The following ZNF717 variants were observed in gnomAD, a reference collection of about 807,000 sequenced individuals.
ZNF717 encodes the protein zinc finger protein 717, also known as krueppel-like factor X17.
ZNF717 carries 9 observed loss-of-function variants against 13.8 expected under a neutral mutation model. That is an observed-to-expected ratio of 0.65 (90% CI 0.39 to 1.14). The LOEUF (loss-of-function observed/expected upper bound fraction) is 1.14, where lower values mean the gene tolerates loss of function less well. ZNF717 is among the 50% of genes most tolerant of loss of function. ZNF717 has a pLI of 0.01. For synonymous variants in ZNF717, 327 were observed against 364.1 expected (o/e 0.90, Z 1.16); for missense variants, 1,040 against 1,080.7 (o/e 0.96, Z 0.53).
chr3:75,703,767 T>C (rs1937742980), intron 6 of ZNF717, among the ~76,000 whole-genome samples: 1 of 152,306 alleles, frequency 6.6e-6, no homozygotes, highest in South Asian at 2.1e-4. Flanking sequence ...CCTTGAGGAG[T>C]AGACTTGCTG....
At chr3:75,722,659 A>T in intron 4 of ZNF717, among the ~76,000 whole-genome samples, 1 of 152,038 alleles carries the variant, frequency 6.6e-6, no homozygotes, top group East Asian at 1.9e-4. Context: ...TACTAAAAAT[A>T]CAAAAATTAG....
chr3:75,771,712 G>A (rs945714717), intron 2 of ZNF717, among the ~76,000 whole-genome samples: 9 of 152,358 alleles, frequency 5.9e-5, no homozygotes, highest in South Asian at 2.1e-4. Context: ...CCAGGAACGG[G>A]TGGGAGCCCT....
chr3:75,759,961 C>T (rs1464238044), intron 2 of ZNF717, among the ~76,000 whole-genome samples: 1 of 152,236 alleles, frequency 6.6e-6, no homozygotes, highest in African/African-American at 2.4e-5. Flanking sequence ...TGTCAGGTTG[C>T]TGTGTCAATA....
At chr3:75,732,116 T>C, downstream of ZNF717, 1 of 703,018 alleles carries the variant, frequency 1.4e-6, no homozygotes, top group Non-Finnish European at 2.6e-6. Flanking sequence ...TGCTTCTTGC[T>C]TCCACCTTTG....
downstream of ZNF717, among the ~76,000 whole-genome samples, chr3:75,732,934 T>TG: frequency 6.8e-6 from 1 of 147,482 alleles, no homozygotes; most frequent in African/African-American, 2.5e-5. Flanking sequence ...ACAGGGATTT[T>TG]AAAAAAAAAT....
intron 4 of ZNF717, among the ~76,000 whole-genome samples, chr3:75,723,003 T>C (rs1938198697): frequency 6.6e-6 from 1 of 152,138 alleles, no homozygotes; most frequent in African/African-American, 2.4e-5. Context: ...ATTTTTATCA[T>C]ATTGGCATGG....
At position 75,738,346 on chromosome 3, in the gene ZNF717, T is replaced by C. The variant is rs879020387; in HGVS notation, c.1277A>G (p.Asp426Gly). 6.8e-4 allele frequency: 1,042 copies of C among 1,535,812 alleles called. 7 individuals are homozygous for C. The South Asian group carries it at 0.012, about 17-fold the overall frequency. The change falls in exon 5 of 5, where the codon GAC (aspartate) becomes GGC (glycine). Residue 426 changes from aspartate to glycine, a missense_variant. Physicochemically the swap from Asp to Gly is moderately conservative, Grantham distance 94. Transcript: ENST00000652011. ...THTGEKPYACDHCEEAFSHKS... is the reference protein window; with the variant it reads ...THTGEKPYACGHCEEAFSHKS... ...ATGGCTAAATGCTTCTTCACAATGGTCACATGCATAGGGCTTTTCCCCTGT... is the reference window on the plus strand; with the variant it reads ...ATGGCTAAATGCTTCTTCACAATGGCCACATGCATAGGGCTTTTCCCCTGT...
At chr3:75,770,825 C>A (rs148925488) in intron 2 of ZNF717, among the ~76,000 whole-genome samples, 5 of 152,202 alleles carry the variant, frequency 3.3e-5, no homozygotes, top group Non-Finnish European at 5.9e-5. Context: ...CTAAAGAGGT[C>A]TAAGCTGTAG....
chr3:75,724,081 C>G (rs1483690346), intron 4 of ZNF717, among the ~76,000 whole-genome samples: 12 of 151,334 alleles, frequency 7.9e-5, no homozygotes, highest in African/African-American at 2.9e-4. Flanking sequence ...CTCTCTCTCT[C>G]CCCACCTCGG....
rs77311242 is a variant in ZNF717, at chr3:75,738,153, A to T, written c.1470T>A (p.Arg490=). The T allele has an allele frequency of 7.3e-7, 1 of 1,364,740 alleles. No homozygotes were observed. The highest frequency in any genetic ancestry group is 9.8e-7 in the Non-Finnish European group (1 of 1,019,608). 84.5% of individuals were successfully genotyped at this position (1,364,740 alleles called of 1,614,324 possible). Residue 490 remains arginine (R), a synonymous_variant, in exon 5 of 5, where the codon CGT becomes CGA. Coordinates refer to ENST00000652011, the MANE Select transcript of ZNF717 (RefSeq NM_001290208.3). The part of the protein sequence containing the change: ...ECNECGKTFH[R]KSFLTIHQWT... ...ATTGATGGATAGTGAGGAATGACTT[A>T]CGGTGAAACGTTTTCCCACATTCAT...
chr3:75,755,560 A>C (rs1942397742), intron 2 of ZNF717, among the ~76,000 whole-genome samples: 1 of 152,212 alleles, frequency 6.6e-6, no homozygotes, highest in Non-Finnish European at 1.5e-5. Context: ...GAATAATAAT[A>C]CAAGGAATGG....
At chr3:75,756,777 C>A (rs1942527529) in intron 2 of ZNF717, among the ~76,000 whole-genome samples, 1 of 152,170 alleles carries the variant, frequency 6.6e-6, no homozygotes, top group Non-Finnish European at 1.5e-5. Flanking sequence ...CAAGTTCAAG[C>A]CATTCTCCTG....
chr3:75,713,025 T>C (rs1308387613), intron 5 of ZNF717, among the ~76,000 whole-genome samples: 1 of 151,856 alleles, frequency 6.6e-6, no homozygotes, highest in Non-Finnish European at 1.5e-5. Context: ...GGCAGGAGGA[T>C]TGCTGGAGCC....
rs1939997513 is a variant in ZNF717 at position 75,739,158 on chromosome 3, C to T, written c.465G>A (p.Lys155=). 2 of 1,551,120 alleles carry T rather than the reference C, an allele frequency of 1.3e-6. No homozygotes were observed. The highest frequency in any genetic ancestry group is 1.7e-6 in the Non-Finnish European group (2 of 1,146,688). The change falls in exon 5 of 5, where the codon AAG becomes AAA. Residue 155 remains lysine, a synonymous_variant. Transcript: ENST00000652011. ...IINNGNSSGM[K]PGQFNDCQNM... is the part of the protein sequence containing the mutation. ...TCTGGCAATCATTAAACTGCCCAGG[C>T]TTCATTCCTGAACTGTTTCCATTAT...
intron 2 of ZNF717, chr3:75,741,969 T>C (rs1251715740): frequency 5.7e-6 from 3 of 525,448 alleles, no homozygotes; most frequent in South Asian, 3.5e-5. Context: ...ATGTGTCTTA[T>C]GTATTTTACA....
At position 75,771,801 on chromosome 3, in the gene ZNF717, G is replaced by A. The variant is rs1223491314; in HGVS notation, c.57+11505C>T. On this transcript the variant is annotated intron_variant, in intron 2 of 4. Transcript: ENST00000652011. Reference sequence around the variant, plus strand: ...CATCCAGCCATGACTGCAGACCCGGGCATCTCTGCACTCTCAGAGGCCCAG... The same window carrying A: ...CATCCAGCCATGACTGCAGACCCGGACATCTCTGCACTCTCAGAGGCCCAG... Among the ~76,000 whole-genome samples, 6 of 152,372 alleles carry A rather than the reference G, an allele frequency of 3.9e-5. No homozygotes were observed. In the South Asian group the frequency reaches 8.3e-4, roughly 21 times the overall value.
chr3:75,705,547 T>C (rs1937787746), downstream of ZNF717, among the ~76,000 whole-genome samples: 2 of 152,428 alleles, frequency 1.3e-5, no homozygotes, highest in African/African-American at 4.8e-5. Context: ...TGGTGAGGTG[T>C]GCAACGCGTT....
In ZNF717 at chr3:75,738,862, TG is replaced by T. The variant is rs1200604850; in HGVS notation, c.760del (p.Gln254LysfsTer2). ...TGGCTGTCCTACCTGAGTTATCACT[TG>T]GACAATAACAGCTGAGTTATTACAG... ...KACNNSAVIV[Q>X]VITQVGQPTC... is the part of the protein sequence containing the mutation. On this transcript the variant is annotated frameshift_variant, in exon 5 of 5. Transcript: ENST00000652011. LOFTEE classifies it low-confidence loss of function (END_TRUNC). The T allele has an allele frequency of 8.4e-6, 13 of 1,550,904 alleles. No individual in the cohort carries two copies. Among genetic ancestry groups the T allele is most frequent in the Non-Finnish European group, 1.0e-5 (12 of 1,146,708 alleles).
chr3:75,744,584 T>C (rs1245347717), intron 2 of ZNF717, among the ~76,000 whole-genome samples: 2 of 152,166 alleles, frequency 1.3e-5, no homozygotes, highest in Admixed American at 1.3e-4. Context: ...AAACCGTAAC[T>C]GGTGAACGGC....
Sources: gnomAD v4.1 joint callset for allele counts (sites outside exome capture counted in the v4.1 genomes callset) on GRCh38, gnomAD v4.1.1 for gene constraint, MANE v1.5 for transcripts, NCBI Gene and HGNC (gene_info 2026-07-23, HGNC 2026-07-21) for gene names.